The following AP3S2 variants were observed in gnomAD, a reference collection of about 807,000 sequenced individuals.
AP3S2 encodes the protein AP-3 complex subunit sigma-2.
AP3S2 carries 22 observed loss-of-function variants against 23.4 expected under a neutral mutation model. That is an observed-to-expected ratio of 0.94 (90% CI 0.67 to 1.34). The LOEUF is 1.34. Among genes scored for constraint, AP3S2 ranks in the 40% most tolerant of loss-of-function variants. The pLI is 0.00. For synonymous variants in AP3S2, 86 were observed against 87.1 expected, an observed-to-expected ratio of 0.99 and a Z score of 0.07; for missense variants, 241 against 236.9, an observed-to-expected ratio of 1.02 and a Z score of -0.11.
intron 3 of AP3S2, chr15:89,877,351 C>G (rs755075313): frequency 7.7e-7 from 1 of 1,299,592 alleles, no homozygotes; most frequent in Admixed American, 2.3e-5. Context: ...GATGTCAGGT[C>G]CTTGTTCCCA....
chr15:89,884,316 T>C (rs1896642175), intron 3 of AP3S2, among the ~76,000 whole-genome samples: 1 of 152,190 alleles, frequency 6.6e-6, no homozygotes, highest in African/African-American at 2.4e-5. Context: ...AAATACTATT[T>C]GGACACAATG....
chr15:89,837,589 G>C, intron 5 of AP3S2, 26 bp downstream of exon 5: 1 of 1,613,692 alleles, frequency 6.2e-7, no homozygotes. Flanking sequence ...TACCCAGCCA[G>C]GGCTAGAGCA....
chr15:89,845,921 T>C (rs920153010), intron 4 of AP3S2: 9 of 152,192 alleles, frequency 5.9e-5, no homozygotes, highest in African/African-American at 2.2e-4. Context: ...TTAACAGAGT[T>C]TAAACAAAAG....
intron 4 of AP3S2, among the ~76,000 whole-genome samples, chr15:89,859,538 G>A (rs994185818): frequency 3.3e-5 from 5 of 150,054 alleles, no homozygotes; most frequent in Non-Finnish European, 5.9e-5. Context: ...GGGATTAAAG[G>A]TGCACGCCAC....
chr15:89,863,040 T>C (rs1265399861), intron 4 of AP3S2, among the ~76,000 whole-genome samples: 2 of 151,764 alleles, frequency 1.3e-5, no homozygotes, highest in African/African-American at 2.4e-5. Flanking sequence ...GGGAAAAGAA[T>C]AGGAAAGAAA....
chr15:89,851,671 C>T (rs1895658901), intron 4 of AP3S2, among the ~76,000 whole-genome samples: 1 of 152,288 alleles, frequency 6.6e-6, no homozygotes, highest in Admixed American at 6.5e-5. Context: ...GGATCACTCA[C>T]TCACTGGCTT....
rs554394850 is a variant in AP3S2 at position 89,851,771 on chromosome 15, C to G, written c.346-14049G>C. Among the ~76,000 whole-genome samples the G allele has an allele frequency of 1.1e-4, 17 of 151,188 alleles. 1 individual carries two copies. In the South Asian group the frequency reaches 3.6e-3, roughly 32 times the overall value. ...ACTTCCTTTTTTAAAAAAACCAGTT[C>G]CTATTATGAGTCAGGGTTCTCCGTG... On this transcript the variant is annotated intron_variant, in intron 4 of 5. Transcript: ENST00000336418.
chr15:89,860,107 C>T (rs1357027969), intron 4 of AP3S2, among the ~76,000 whole-genome samples: 3 of 151,928 alleles, frequency 2.0e-5, no homozygotes, highest in African/African-American at 7.3e-5. Context: ...AGATTTTGGC[C>T]TCTGAAAAAA....
intron 3 of AP3S2, among the ~76,000 whole-genome samples, chr15:89,878,612 G>A (rs986974230): frequency 6.6e-6 from 1 of 152,120 alleles, no homozygotes; most frequent in African/African-American, 2.4e-5. Flanking sequence ...GCAGGCTGGA[G>A]TGCAGTGGTA....
chr15:89,886,063 G>A (rs1037066544), intron 3 of AP3S2, among the ~76,000 whole-genome samples: 7 of 150,918 alleles, frequency 4.6e-5, no homozygotes, highest in African/African-American at 7.3e-5. Flanking sequence ...AAATTATAAA[G>A]TTAGAGGCCG....
At position 89,845,050 on chromosome 15, in the gene AP3S2, C is replaced by T. The variant is rs894729134; in HGVS notation, c.346-7328G>A. 3.9e-5 allele frequency among the ~76,000 whole-genome samples: 6 copies of T among 152,026 alleles called. No individual in the cohort carries two copies. The South Asian group carries it at 8.3e-4, about 21-fold the overall frequency. On this transcript the variant is annotated intron_variant, in intron 4 of 5. Coordinates refer to ENST00000336418, the MANE Select transcript of AP3S2 (RefSeq NM_005829.5). ...CCTCCTGAGTAGCTGGGACTACAGG[C>T]GCCCGCCACCACGCCCAGCTTATTT...
chr15:89,888,556 A>G lies in AP3S2; in HGVS notation c.238T>C (p.Ser80Pro). The G allele has an allele frequency of 6.2e-7, 1 of 1,614,230 alleles. No individual in the cohort carries two copies. The highest frequency in any genetic ancestry group is 8.5e-7 in the Non-Finnish European group (1 of 1,180,048). Residue 80 changes from serine to proline, a missense_variant, in exon 3 of 6, where the codon TCA becomes CCA. Transcript: ENST00000336418. ...TLYFVFCVDSSESELGILDLI... is the reference protein window; with the variant it reads ...TLYFVFCVDSPESELGILDLI... ...TCCAAGATTCCAAGTTCACTCTCTGAGGAATCCACACAAAATACAAAGTAG... is the reference window on the plus strand; with the variant it reads ...TCCAAGATTCCAAGTTCACTCTCTGGGGAATCCACACAAAATACAAAGTAG...
rs796433209 is a variant in AP3S2, at chr15:89,846,842, G to GT, written c.346-9121dup. 7.2e-5 allele frequency among the ~76,000 whole-genome samples: 11 copies of GT among 152,062 alleles called. No individual in the cohort carries two copies. In the South Asian group the frequency reaches 8.3e-4, roughly 11 times the overall value. On this transcript the variant is annotated intron_variant, in intron 4 of 5. Coordinates refer to ENST00000336418, the MANE Select transcript of AP3S2 (RefSeq NM_005829.5). ...CGCCCAGCACACCTGGCTAATTTTTGTATTTTTTGGTAGAAATGGGGTCTC... is the reference window on the plus strand; with the variant it reads ...CGCCCAGCACACCTGGCTAATTTTTGTTATTTTTTGGTAGAAATGGGGTCTC...
chr15:89,873,529 CCT>C (rs752571094), intron 3 of AP3S2, among the ~76,000 whole-genome samples: 17 of 152,238 alleles, frequency 1.1e-4, no homozygotes, highest in Non-Finnish European at 1.5e-4. Context: ...AAGTGATCCC[CCT>C]GTCTTGGCCT....
chr15:89,846,820 C>T (rs989550002), intron 4 of AP3S2, among the ~76,000 whole-genome samples: 6 of 152,132 alleles, frequency 3.9e-5, no homozygotes, highest in Non-Finnish European at 1.5e-5. Context: ...GCAACTGCGC[C>T]CAGCACACCT....
At chr15:89,893,139 A>G (rs1442701685) in intron 1 of AP3S2, 1 of 152,306 alleles carries the variant, frequency 6.6e-6, no homozygotes, top group Non-Finnish European at 1.5e-5. Context: ...GTGGAGCTGA[A>G]GCCTGAACAC....
intron 3 of AP3S2, among the ~76,000 whole-genome samples, chr15:89,881,407 C>T (rs983001778): frequency 2.8e-4 from 42 of 151,932 alleles, no homozygotes; most frequent in Non-Finnish European, 4.4e-5. Flanking sequence ...TTAAAATAAA[C>T]TCAAAATACG....
chr15:89,836,807 G>A (rs62020473), intron 5 of AP3S2, among the ~76,000 whole-genome samples: 43,598 of 152,006 alleles, frequency 0.29, 6,836 homozygotes, highest in East Asian at 0.58. Context: ...AACTATAGCT[G>A]CCACCAATAG....
chr15:89,886,170 G>A (rs1334893386), intron 3 of AP3S2, among the ~76,000 whole-genome samples: 1 of 151,978 alleles, frequency 6.6e-6, no homozygotes, highest in East Asian at 1.9e-4. Context: ...CCAACATGGT[G>A]AAACCCTGTC....
Sources: gnomAD v4.1 joint callset for allele counts (sites outside exome capture counted in the v4.1 genomes callset) on GRCh38, gnomAD v4.1.1 for gene constraint, MANE v1.5 for transcripts, NCBI Gene and HGNC (gene_info 2026-07-23, HGNC 2026-07-21) for gene names.